Variants in SESN2 observed in about 807,000 individuals in gnomAD.
The protein encoded by SESN2 is sestrin 2.
SESN2 carries 42 observed loss-of-function variants against 56.0 expected under a neutral mutation model. The observed-to-expected ratio is 0.75, with a 90% confidence interval of 0.59 to 0.97. The LOEUF (loss-of-function observed/expected upper bound fraction) is 0.97. SESN2 is among the 50% of genes least tolerant of loss of function. The pLI is 0.00. For missense variants in SESN2, 507 were observed against 649.4 expected, an observed-to-expected ratio of 0.78 and a Z score of 2.38; for synonymous variants, 264 against 267.1, an observed-to-expected ratio of 0.99 and a Z score of 0.11.
chr1:28,279,128 C>A lies in SESN2; in HGVS notation c.1243C>A (p.Gln415Lys), dbSNP rs1344528901. 1 of 1,614,048 alleles carries A rather than the reference C, an allele frequency of 6.2e-7. No homozygotes were observed. The highest frequency in any genetic ancestry group is 1.3e-5 in the African/African-American group (1 of 74,926). ...YDDYDYGEVN[Q>K]LLERNLKVYI... is the part of the protein sequence containing the mutation. ...TGACTATGATTATGGGGAGGTGAACCAGCTCCTGGAGCGGAACCTCAAGGT... is the reference window on the plus strand; with the variant it reads ...TGACTATGATTATGGGGAGGTGAACAAGCTCCTGGAGCGGAACCTCAAGGT... Residue 415 changes from glutamine (Q) to lysine (K), a missense_variant, in exon 9 of 10, where the codon CAG (glutamine) becomes AAG (lysine). Transcript: ENST00000253063.
At chr1:28,265,396 GTGTT>G (rs1412000927) in intron 1 of SESN2, among the ~76,000 whole-genome samples, 7 of 152,124 alleles carry the variant, frequency 4.6e-5, no homozygotes, top group South Asian at 4.2e-4. Context: ...TTTGGGGTGT[GTGTT>G]TGTTTGTTTT....
At chr1:28,274,749 C>T (rs959263947) in intron 7 of SESN2, 76 bp from the exon 8 acceptor site, 13 of 1,161,326 alleles carry the variant, frequency 1.1e-5, no homozygotes, top group Non-Finnish European at 1.6e-5. Context: ...ATGGAGATCC[C>T]AGGTCCAGAG....
At chr1:28,263,061 G>A (rs1180558718) in intron 1 of SESN2, among the ~76,000 whole-genome samples, 1 of 152,116 alleles carries the variant, frequency 6.6e-6, no homozygotes, top group Non-Finnish European at 1.5e-5. Context: ...TCCCAATTAT[G>A]TGAAATAGTC....
At chr1:28,267,222 G>A (rs369466782) in intron 1 of SESN2, among the ~76,000 whole-genome samples, 14 of 152,264 alleles carry the variant, frequency 9.2e-5, no homozygotes, top group African/African-American at 2.6e-4. Context: ...TGGTTACTAC[G>A]CTGAACTTGG....
chr1:28,275,289 A>G (rs1180273545), intron 8 of SESN2, among the ~76,000 whole-genome samples: 1 of 146,546 alleles, frequency 6.8e-6, no homozygotes, highest in African/African-American at 2.5e-5. Context: ...ATACACATAT[A>G]CATGCATACA....
chr1:28,279,190 C>T lies in SESN2; in HGVS notation c.1305C>T (p.Thr435=), dbSNP rs533860749. The T allele has an allele frequency of 6.2e-7, 1 of 1,614,174 alleles. No individual in the cohort carries two copies. Among genetic ancestry groups the T allele is most frequent in the Admixed American group, 1.7e-5 (1 of 60,018 alleles). ...IKTVACYPEK[T]TRRMYNLFWR... ...CAGTGGCCTGCTACCCAGAGAAGAC[C>T]ACCCGAAGAATGTACAACCTCTTCT... The change falls in exon 9 of 10, where the codon ACC becomes ACT. Residue 435 remains threonine (T), a synonymous_variant. Coordinates refer to ENST00000253063, the MANE Select transcript of SESN2 (RefSeq NM_031459.5).
intron 1 of SESN2, among the ~76,000 whole-genome samples, chr1:28,263,735 A>G (rs1647462208): frequency 6.6e-6 from 1 of 152,018 alleles, no homozygotes; most frequent in East Asian, 1.9e-4. Flanking sequence ...TATGAAGTGG[A>G]ATGGACCTTA....
chr1:28,281,131 T>C lies in SESN2; in HGVS notation c.*329T>C. 1 of 238,240 alleles carries C rather than the reference T, an allele frequency of 4.2e-6. No homozygotes were observed. Among genetic ancestry groups the C allele is most frequent in the Non-Finnish European group, 8.1e-6 (1 of 123,034 alleles). 14.8% of individuals were successfully genotyped at this position (238,240 alleles called of 1,614,324 possible). ...GCTCGGAATTAATGTGCCACAAGTG[T>C]TGTGGCCTTCCTGAACTGGGAAGTC... is the stretch of plus-strand genomic sequence containing the variant. On this transcript the variant is annotated 3_prime_UTR_variant, in exon 10 of 10. Coordinates refer to ENST00000253063, the MANE Select transcript of SESN2 (RefSeq NM_031459.5).
At chr1:28,275,667 G>A (rs899086402) in intron 8 of SESN2, among the ~76,000 whole-genome samples, 2 of 151,808 alleles carry the variant, frequency 1.3e-5, no homozygotes, top group Non-Finnish European at 2.9e-5. Flanking sequence ...CAGGAGAATC[G>A]CTTGAACCGG....
In SESN2 at chr1:28,259,653, A is replaced by G; in HGVS notation, c.-195A>G. 1 of 446,594 alleles carries G rather than the reference A, an allele frequency of 2.2e-6. No individual in the cohort carries two copies. Among genetic ancestry groups the G allele is most frequent in the Non-Finnish European group, 3.9e-6 (1 of 254,694 alleles). 27.7% of individuals were successfully genotyped at this position (446,594 alleles called of 1,614,324 possible). The stretch of plus-strand genomic sequence containing the variant: ...CCCCGAGGCCGTTCGCCGTTCCCGA[A>G]GCCCGACTGGGGGAAGAGTCCAGCA... On this transcript the variant is annotated 5_prime_UTR_variant, in exon 1 of 10. Transcript: ENST00000253063.
At chr1:28,260,631 A>T (rs1273694183) in intron 1 of SESN2, among the ~76,000 whole-genome samples, 1 of 152,160 alleles carries the variant, frequency 6.6e-6, no homozygotes. Context: ...CGCCCTGCTA[A>T]GTAAGTGGTC....
At chr1:28,270,107 T>A (rs953661333) in intron 2 of SESN2, among the ~76,000 whole-genome samples, 6 of 152,188 alleles carry the variant, frequency 3.9e-5, no homozygotes, top group African/African-American at 1.4e-4. Context: ...ATCCCAACAC[T>A]TTGGGAGGCC....
chr1:28,272,383 GC>G lies in SESN2; in HGVS notation c.459del (p.Glu154ArgfsTer29). 6.2e-7 allele frequency: 1 copy of G among 1,613,706 alleles called. No individual in the cohort carries two copies. Among genetic ancestry groups the G allele is most frequent in the Non-Finnish European group, 8.5e-7 (1 of 1,180,012 alleles). On this transcript the variant is annotated frameshift_variant, in exon 4 of 10. Coordinates refer to ENST00000253063, the MANE Select transcript of SESN2 (RefSeq NM_031459.5). LOFTEE classifies it high-confidence loss of function. The stretch of plus-strand genomic sequence containing the variant: ...TGAGTGGCTGCTGGGCCTCCACCGG[GC>G]CCCCGAGAAGCTGCGCAAACTCAGC... ...DPEWLLGLHR[A>X]PEKLRKLSEI... is the part of the protein sequence containing the mutation.
chr1:28,261,825 G>T (rs112194316), intron 1 of SESN2, among the ~76,000 whole-genome samples: 10,453 of 145,674 alleles, frequency 0.072, 423 homozygotes, highest in African/African-American at 0.11. Flanking sequence ...CTGTTGCCCA[G>T]GCTGGAGTGC....
At position 28,278,946 on chromosome 1, in the gene SESN2, C is replaced by G; in HGVS notation, c.1212-151C>G. On this transcript the variant is annotated intron_variant, in intron 8 of 9. Transcript: ENST00000253063. ...GCGGCCTGTGATAACACGATATCAGCTGTTTCTCCAAGAGGAACTAGGCTT... is the reference window on the plus strand; with the variant it reads ...GCGGCCTGTGATAACACGATATCAGGTGTTTCTCCAAGAGGAACTAGGCTT... 4 of 729,866 alleles carry G rather than the reference C, an allele frequency of 5.5e-6. No individual in the cohort carries two copies. In the South Asian group the frequency reaches 6.9e-5, roughly 13 times the overall value. 45.2% of individuals were successfully genotyped at this position (729,866 alleles called of 1,614,324 possible).
At chr1:28,273,703 C>T (rs956516103) in intron 6 of SESN2, among the ~76,000 whole-genome samples, 195 bp downstream of exon 6, 1 of 152,198 alleles carries the variant, frequency 6.6e-6, no homozygotes, top group African/African-American at 2.4e-5. Flanking sequence ...CGACCACTGA[C>T]GAGTCACTTC....
chr1:28,260,625 C>T (rs765493114), intron 1 of SESN2, among the ~76,000 whole-genome samples: 4 of 152,208 alleles, frequency 2.6e-5, no homozygotes, highest in African/African-American at 4.8e-5. Flanking sequence ...AGGCTGCGCC[C>T]TGCTAAGTAA....
Position 28,274,795 on chromosome 1 carries a change from G to T in SESN2, c.1021-30G>T, listed in dbSNP as rs757896121. The T allele has an allele frequency of 7.0e-6, 11 of 1,569,424 alleles. No individual in the cohort carries two copies. In the Admixed American group the frequency reaches 1.9e-4, roughly 27 times the overall value. On this transcript the variant is annotated intron_variant, in intron 7 of 9. Coordinates refer to ENST00000253063, the MANE Select transcript of SESN2 (RefSeq NM_031459.5). Reference sequence around the variant, plus strand: ...TCTCTGGCTGGTCTTGGGCTCCAAAGACTCACCAATCCCTTCCCACCTACC... The same window carrying T: ...TCTCTGGCTGGTCTTGGGCTCCAAATACTCACCAATCCCTTCCCACCTACC...
In SESN2 at chr1:28,281,402, TTTC is replaced by T. The variant is rs1648235358; in HGVS notation, c.*602_*604del. 1 of 152,202 alleles carries T rather than the reference TTTC, an allele frequency of 6.6e-6. No homozygotes were observed. The highest frequency in any genetic ancestry group is 1.5e-5 in the Non-Finnish European group (1 of 68,130). 9.4% of individuals were successfully genotyped at this position (152,202 alleles called of 1,614,324 possible). Reference sequence around the variant, plus strand: ...TTGACTTCCTTTGCCCTTTTTCCCTTTTCTCCATGCTTAATGGTGTGAGGCGTC... The same window carrying T: ...TTGACTTCCTTTGCCCTTTTTCCCTTTCCATGCTTAATGGTGTGAGGCGTC... On this transcript the variant is annotated 3_prime_UTR_variant, in exon 10 of 10. Transcript: ENST00000253063.
Sources: allele counts gnomAD v4.1 joint callset (sites outside exome capture counted in the v4.1 genomes callset), GRCh38; gene constraint gnomAD v4.1.1; transcripts MANE v1.5; gene names NCBI Gene and HGNC (gene_info 2026-07-23, HGNC 2026-07-21).